Variants in COL19A1 observed in about 807,000 individuals in gnomAD.
COL19A1 encodes the protein collagen alpha-1(XIX) chain.
Under a neutral mutation model 190.2 loss-of-function variants are expected in COL19A1, and 159 were observed. That is an observed-to-expected ratio of 0.84 (90% CI 0.73 to 0.95). The LOEUF is 0.95. Among genes scored for constraint, COL19A1 ranks in the 40% least tolerant of loss-of-function variants. The pLI is 0.00. For missense variants in COL19A1, 1,418 were observed against 1,431.9 expected, an observed-to-expected ratio of 0.99 and a Z score of 0.16; for synonymous variants, 509 against 458.9, an observed-to-expected ratio of 1.11 and a Z score of -1.39.
intron 18 of COL19A1, among the ~76,000 whole-genome samples, chr6:70,135,874 G>A (rs1399897212): frequency 6.6e-6 from 1 of 152,160 alleles, no homozygotes; most frequent in Non-Finnish European, 1.5e-5. Flanking sequence ...AAGAGTTCAG[G>A]TTCTGGTCAT....
intron 4 of COL19A1, among the ~76,000 whole-genome samples, chr6:69,909,759 A>G (rs1292130125): frequency 2.0e-5 from 3 of 152,186 alleles, no homozygotes; most frequent in East Asian, 1.9e-4. Context: ...AAGAACTGAT[A>G]TACGATTTTC....
At chr6:69,970,572 T>G (rs2150054473) in intron 11 of COL19A1, among the ~76,000 whole-genome samples, 1 of 152,310 alleles carries the variant, frequency 6.6e-6, no homozygotes, top group East Asian at 1.9e-4. Flanking sequence ...TTGGTGATTA[T>G]GCCTATTATT....
rs531951185 is a variant in COL19A1 at position 70,210,756 on chromosome 6, TA to T, written c.*3485del. On this transcript the variant is annotated 3_prime_UTR_variant, in exon 51 of 51. Coordinates refer to ENST00000620364, the MANE Select transcript of COL19A1 (RefSeq NM_001858.6). ...GGCTACGAACAGTTTAGTGGACAACTAAATCAGACTCTTGCCTTTGCACTTT... is the reference window on the plus strand; with the variant it reads ...GGCTACGAACAGTTTAGTGGACAACTAATCAGACTCTTGCCTTTGCACTTT... 2.1e-3 allele frequency among the ~76,000 whole-genome samples: 324 copies of T among 152,308 alleles called. 2 individuals are homozygous for T. The highest frequency in any genetic ancestry group is 7.2e-3 in the African/African-American group (300 of 41,596).
At chr6:70,046,345 C>G (rs1236383147) in intron 14 of COL19A1, among the ~76,000 whole-genome samples, 2 of 152,086 alleles carry the variant, frequency 1.3e-5, no homozygotes, top group Admixed American at 1.3e-4. Flanking sequence ...CTCTTCTTTT[C>G]GGAATCTCCA....
chr6:69,897,964 AC>A (rs770721540), intron 2 of COL19A1, among the ~76,000 whole-genome samples: 5 of 152,246 alleles, frequency 3.3e-5, no homozygotes, highest in Non-Finnish European at 5.9e-5. Flanking sequence ...TTAAGATGAT[AC>A]CCTCTCACCA....
At chr6:69,936,989 C>T in intron 8 of COL19A1, 79 bp downstream of exon 8, 1 of 1,541,252 alleles carries the variant, frequency 6.5e-7, no homozygotes, top group East Asian at 2.3e-5. Flanking sequence ...CCTCTGTTCA[C>T]AGAATGTGTC....
At chr6:69,929,760 ATT>A in intron 6 of COL19A1, 60 bp downstream of exon 6, 2 of 1,454,598 alleles carry the variant, frequency 1.4e-6, no homozygotes, top group Non-Finnish European at 1.9e-6. Flanking sequence ...AAAAAATCTT[ATT>A]AAAAACATTC....
At chr6:69,931,769 T>C (rs1182657257) in intron 6 of COL19A1, among the ~76,000 whole-genome samples, 1 of 152,150 alleles carries the variant, frequency 6.6e-6, no homozygotes, top group Non-Finnish European at 1.5e-5. Context: ...CATGAATCTG[T>C]AAGATGTCTG....
chr6:69,938,102 T>C lies in COL19A1; in HGVS notation c.936+2T>C. The C allele has an allele frequency of 6.2e-7, 1 of 1,611,520 alleles. No individual in the cohort carries two copies. Among genetic ancestry groups the C allele is most frequent in the Non-Finnish European group, 8.5e-7 (1 of 1,178,738 alleles). The stretch of plus-strand genomic sequence containing the variant: ...CAGAAAGGGCATAAAGGAGAGCCGG[T>C]AAGAAAAAAACAAATACTGATGGAG... On this transcript the variant is annotated splice_donor_variant, in intron 9 of 50. Coordinates refer to ENST00000620364, the MANE Select transcript of COL19A1 (RefSeq NM_001858.6). LOFTEE classifies it high-confidence loss of function.
At chr6:70,185,432 T>C (rs909422673) in intron 46 of COL19A1, among the ~76,000 whole-genome samples, 3 of 152,114 alleles carry the variant, frequency 2.0e-5, no homozygotes, top group East Asian at 1.9e-4. Context: ...ATCACTGCAA[T>C]TGAGAACTAC....
chr6:70,180,928 A>C (rs1215559472), intron 44 of COL19A1, among the ~76,000 whole-genome samples: 1 of 152,216 alleles, frequency 6.6e-6, no homozygotes, highest in Non-Finnish European at 1.5e-5. Context: ...CCTCCTTTGT[A>C]TACAGGCCTT....
At chr6:69,873,110 C>T (rs1767934260) in intron 1 of COL19A1, among the ~76,000 whole-genome samples, 1 of 152,132 alleles carries the variant, frequency 6.6e-6, no homozygotes, top group Non-Finnish European at 1.5e-5. Context: ...CTGGACCCTA[C>T]ATTTTAGAAC....
In COL19A1 at chr6:70,208,296, A is replaced by G. The variant is rs1174164145; in HGVS notation, c.*1022A>G. On this transcript the variant is annotated 3_prime_UTR_variant, in exon 51 of 51. Coordinates refer to ENST00000620364, the MANE Select transcript of COL19A1 (RefSeq NM_001858.6). The stretch of plus-strand genomic sequence containing the variant: ...AGAATGGACTCACTTGTCCTAGAAG[A>G]TGAATGTGTAGTGTCAGCAAATGCA... 4 of 152,256 alleles carry G rather than the reference A, an allele frequency of 2.6e-5. No homozygotes were observed. The highest frequency in any genetic ancestry group is 6.5e-5 in the Admixed American group (1 of 15,290). The allele number at this position is 152,256 out of a possible 1,614,324, so 9.4% of individuals were successfully genotyped here.
chr6:70,184,952 G>C, intron 46 of COL19A1, 37 bp downstream of exon 46: 2 of 1,588,460 alleles, frequency 1.3e-6, no homozygotes, highest in Non-Finnish European at 1.7e-6. Context: ...ATTCAAGTCT[G>C]TCTGTTACAA....
intron 27 of COL19A1, among the ~76,000 whole-genome samples, chr6:70,148,595 T>C (rs531415513): frequency 9.2e-5 from 14 of 152,234 alleles, no homozygotes; most frequent in African/African-American, 3.4e-4. Flanking sequence ...AAAAGAACAT[T>C]GGAGATGGAA....
At chr6:70,129,518 C>A (rs1343341582) in intron 17 of COL19A1, among the ~76,000 whole-genome samples, 1 of 152,172 alleles carries the variant, frequency 6.6e-6, no homozygotes, top group Non-Finnish European at 1.5e-5. Flanking sequence ...CCCAGATGTG[C>A]ATGCACATGG....
intron 3 of COL19A1, 91 bp downstream of exon 3, chr6:69,899,113 A>C: frequency 1.3e-6 from 1 of 788,426 alleles, no homozygotes; most frequent in South Asian, 1.7e-5. Flanking sequence ...AATCTTTGAT[A>C]CTGCAATTTA....
intron 25 of COL19A1, among the ~76,000 whole-genome samples, chr6:70,145,794 C>G (rs972883878): frequency 1.1e-4 from 16 of 140,002 alleles, no homozygotes; most frequent in African/African-American, 4.3e-4. Flanking sequence ...AATTATGGAT[C>G]ACTGCAGCCT....
chr6:70,172,727 G>A (rs924289167), intron 41 of COL19A1, among the ~76,000 whole-genome samples: 4 of 152,166 alleles, frequency 2.6e-5, no homozygotes, highest in Non-Finnish European at 4.4e-5. Flanking sequence ...TTTTACCACA[G>A]GAAGTTTGAG....
Sources: allele counts gnomAD v4.1 joint callset (sites outside exome capture counted in the v4.1 genomes callset), GRCh38; gene constraint gnomAD v4.1.1; transcripts MANE v1.5; gene names NCBI Gene and HGNC (gene_info 2026-07-23, HGNC 2026-07-21).